Variants in NAA35 observed in about 807,000 individuals in gnomAD.
The protein encoded by NAA35 is N-alpha-acetyltransferase 35, NatC auxiliary subunit.
NAA35 carries 18 observed loss-of-function variants against 101.7 expected under a neutral mutation model. The ratio of observed to expected loss-of-function variants is 0.18; its 90% confidence interval spans 0.12 to 0.26. The LOEUF is 0.26. Among genes scored for constraint, NAA35 ranks in the 10% least tolerant of loss-of-function variants. The probability of loss-of-function intolerance (pLI) is 1.00; values close to 1 mark genes in which losing one functional copy is unlikely to be tolerated. For synonymous variants in NAA35, 267 were observed against 273.1 expected (o/e 0.98, Z 0.22); for missense variants, 601 against 886.8 (o/e 0.68, Z 4.09).
At chr9:85,941,857 G>T in intron 1 of NAA35, 1 of 1,090,848 alleles carries the variant, frequency 9.2e-7, no homozygotes, top group Non-Finnish European at 1.1e-6. Context: ...CTCTGGAGTT[G>T]TTCTTTTCGG....
At chr9:86,006,256 A>T (rs904931424) in intron 13 of NAA35, among the ~76,000 whole-genome samples, 3 of 152,186 alleles carry the variant, frequency 2.0e-5, no homozygotes, top group Non-Finnish European at 4.4e-5. Context: ...GCTTTGGAAA[A>T]TAGCTTGGCA....
At chr9:85,963,263 CT>C (rs527736196) in intron 6 of NAA35, among the ~76,000 whole-genome samples, 13,568 of 73,218 alleles carry the variant, frequency 0.19, 380 homozygotes, top group African/African-American at 0.31. Context: ...GAAGGTATGG[CT>C]TTTTTTTTTT....
Position 86,022,980 on chromosome 9 carries a change from T to G in NAA35, c.*1020T>G, listed in dbSNP as rs1369793769. Among the ~76,000 whole-genome samples the G allele has an allele frequency of 6.6e-6, 1 of 152,238 alleles. No homozygotes were observed. The highest frequency in any genetic ancestry group is 6.5e-5 in the Admixed American group (1 of 15,288). On this transcript the variant is annotated 3_prime_UTR_variant, in exon 23 of 23. Coordinates refer to ENST00000361671, the MANE Select transcript of NAA35 (RefSeq NM_024635.4). Reference sequence around the variant, plus strand: ...TAGCCTAAGACTAGTGACAGTTTTATATTTGGTCTGTGGTTAAAAGGGTTC... The same window carrying G: ...TAGCCTAAGACTAGTGACAGTTTTAGATTTGGTCTGTGGTTAAAAGGGTTC...
intron 17 of NAA35, among the ~76,000 whole-genome samples, chr9:86,015,341 C>G (rs1479664012): frequency 6.6e-6 from 1 of 151,968 alleles, no homozygotes; most frequent in African/African-American, 2.4e-5. Context: ...TGGTTTTGAA[C>G]TGCTTTTTAA....
At position 86,003,624 on chromosome 9, in the gene NAA35, C is replaced by T. The variant is rs1235625552; in HGVS notation, c.1096C>T (p.Leu366Phe). ...CEFSEQSPCV[L>F]SRSLLQTTFL... ...ATTTAGTGAACAGTCACCATGTGTTCTTTCAAGATCTCTGTTACAAGTAAG... is the reference window on the plus strand; with the variant it reads ...ATTTAGTGAACAGTCACCATGTGTTTTTTCAAGATCTCTGTTACAAGTAAG... Residue 366 changes from leucine (L) to phenylalanine (F), a missense_variant, in exon 13 of 23, where the codon CTT becomes TTT. This residue lies in a region of NAA35 where 190 missense variants were observed against 223.1 expected (regional missense o/e 0.85). Transcript: ENST00000361671. The T allele has an allele frequency of 3.8e-6, 6 of 1,593,634 alleles. No individual in the cohort carries two copies. Among genetic ancestry groups the T allele is most frequent in the Admixed American group, 1.7e-5 (1 of 58,608 alleles).
chr9:86,015,740 A>G lies in NAA35; in HGVS notation c.1569-799A>G, dbSNP rs575629441. ...TGAGGTACCTGATATTTGAGAAGAAAAGGCTGCATCTTAGTTGTCCCCTTC... is the reference window on the plus strand; with the variant it reads ...TGAGGTACCTGATATTTGAGAAGAAGAGGCTGCATCTTAGTTGTCCCCTTC... On this transcript the variant is annotated intron_variant, in intron 17 of 22. Coordinates refer to ENST00000361671, the MANE Select transcript of NAA35 (RefSeq NM_024635.4). 1.5e-5 allele frequency: 14 copies of G among 950,914 alleles called. No homozygotes were observed. The African/African-American group carries it at 2.5e-4, about 17-fold the overall frequency. 58.9% of individuals were successfully genotyped at this position (950,914 alleles called of 1,614,324 possible).
rs773471326 is a variant in NAA35, at chr9:86,009,800, G to T, written c.1224-65G>T. On this transcript the variant is annotated intron_variant, in intron 14 of 22. Transcript: ENST00000361671. ...CCTTCTCTGTCATTTGGTAGCATCTGCAGTAATTGCTGCTGCTTTTGTTTG... is the reference window on the plus strand; with the variant it reads ...CCTTCTCTGTCATTTGGTAGCATCTTCAGTAATTGCTGCTGCTTTTGTTTG... The T allele has an allele frequency of 2.6e-6, 3 of 1,167,228 alleles. No individual in the cohort carries two copies. In the South Asian group the frequency reaches 3.9e-5, roughly 15 times the overall value. The allele number at this position is 1,167,228 out of a possible 1,614,324, so 72.3% of individuals were successfully genotyped here. A position where few individuals can be genotyped will look rare whatever the true frequency, so the allele number is the denominator to read the frequency against.
intron 2 of NAA35, among the ~76,000 whole-genome samples, chr9:85,949,297 T>C (rs1025913473): frequency 3.4e-5 from 5 of 147,356 alleles, no homozygotes; most frequent in African/African-American, 1.4e-4. Context: ...TTTTTTCTTT[T>C]TCTTTTTTTT....
At chr9:85,980,413 T>A (rs944127830) in intron 11 of NAA35, among the ~76,000 whole-genome samples, 3 of 151,868 alleles carry the variant, frequency 2.0e-5, no homozygotes, top group African/African-American at 7.3e-5. Context: ...TTATCTGCCC[T>A]ACCCTGAAAC....
intron 12 of NAA35, among the ~76,000 whole-genome samples, chr9:86,000,860 T>G (rs1587642765): frequency 6.6e-6 from 1 of 152,202 alleles, no homozygotes; most frequent in African/African-American, 2.4e-5. Flanking sequence ...TGTTGATCTT[T>G]TGAATGGGTT....
chr9:85,974,888 T>C, intron 6 of NAA35, 79 bp from the exon 7 acceptor site: 2 of 962,932 alleles, frequency 2.1e-6, no homozygotes, highest in South Asian at 1.5e-5. Context: ...GTAAGAGAAA[T>C]ATAAAGAAAA....
chr9:85,997,886 T>C (rs545349758), intron 12 of NAA35, among the ~76,000 whole-genome samples: 31 of 152,022 alleles, frequency 2.0e-4, no homozygotes, highest in Non-Finnish European at 4.4e-4. Flanking sequence ...TACATATATA[T>C]TTATGTATGT....
At chr9:86,020,386 T>A (rs1300991924) in intron 21 of NAA35, among the ~76,000 whole-genome samples, 1 of 152,154 alleles carries the variant, frequency 6.6e-6, no homozygotes, top group Non-Finnish European at 1.5e-5. Flanking sequence ...GCAGCCTAAT[T>A]TTTTTGTTAT....
At chr9:85,997,879 A>G (rs1465904838) in intron 12 of NAA35, among the ~76,000 whole-genome samples, 3 of 151,912 alleles carry the variant, frequency 2.0e-5, no homozygotes, top group Non-Finnish European at 4.4e-5. Context: ...ACATACATAC[A>G]TATATATTTA....
chr9:85,945,931 A>G (rs904149012), intron 2 of NAA35, among the ~76,000 whole-genome samples: 116 of 152,158 alleles, frequency 7.6e-4, no homozygotes, highest in Non-Finnish European at 2.2e-4. Flanking sequence ...TGAATCAAAT[A>G]CAAACTTTCA....
At chr9:86,004,394 G>T (rs888849998) in intron 13 of NAA35, among the ~76,000 whole-genome samples, 1 of 150,918 alleles carries the variant, frequency 6.6e-6, no homozygotes, top group African/African-American at 2.4e-5. Context: ...TTGGAGGATC[G>T]CTTGAACCTG....
intron 2 of NAA35, among the ~76,000 whole-genome samples, chr9:85,944,385 T>C (rs1282777547): frequency 6.6e-6 from 1 of 152,228 alleles, no homozygotes; most frequent in Non-Finnish European, 1.5e-5. Context: ...ACCAGCATAA[T>C]TTATGATGGA....
At position 86,018,745 on chromosome 9, in the gene NAA35, A is replaced by T. The variant is rs758023664; in HGVS notation, c.1961A>T (p.Glu654Val). Residue 654 changes from glutamate (E) to valine (V), a missense_variant, in exon 21 of 23, where the codon GAA (glutamate) becomes GTA (valine). Glu to Val is a moderately radical substitution (Grantham distance 121). This residue lies in a region of NAA35 where 90 missense variants were observed against 108.7 expected (regional missense o/e 0.83). Transcript: ENST00000361671. ...NKYSPPPQSPELYVAASKHFQ... is the reference protein window; with the variant it reads ...NKYSPPPQSPVLYVAASKHFQ... ...TATAGCCCTCCTCCTCAGTCTCCTG[A>T]ACTGTATGTGGCAGCTAGTAAGCAC... 3 of 1,613,998 alleles carry T rather than the reference A, an allele frequency of 1.9e-6. No individual in the cohort carries two copies. The South Asian group carries it at 3.3e-5, about 18-fold the overall frequency.
chr9:85,972,300 G>A (rs1416654370), intron 6 of NAA35, among the ~76,000 whole-genome samples: 1 of 151,936 alleles, frequency 6.6e-6, no homozygotes, highest in East Asian at 1.9e-4. Context: ...GAGCTTAGGA[G>A]TTCGAGACCA....
Sources: allele counts gnomAD v4.1 joint callset (sites outside exome capture counted in the v4.1 genomes callset), GRCh38; gene constraint gnomAD v4.1.1; regional missense constraint gnomAD v4.1.1; transcripts MANE v1.5; gene names NCBI Gene and HGNC (gene_info 2026-07-23, HGNC 2026-07-21).